SUPT16H: variants seen among roughly 807,000 people sequenced by gnomAD.
SUPT16H encodes the protein SPT16 homolog, facilitates chromatin remodeling subunit, also known as FACT complex subunit SPT16.
In SUPT16H, 24 loss-of-function variants were observed where a neutral mutation model predicts 136.2. The ratio of observed to expected loss-of-function variants is 0.18; its 90% CI spans 0.13 to 0.25. The LOEUF is 0.25. SUPT16H is among the 10% of genes least tolerant of loss of function. SUPT16H has a pLI of 1.00. For missense variants in SUPT16H, 623 were observed against 1,270.2 expected (o/e 0.49, Z 7.74); for synonymous variants, 415 against 428.2 (o/e 0.97, Z 0.38).
chr14:21,379,970 T>C (rs17104351), intron 1 of SUPT16H, among the ~76,000 whole-genome samples: 92 of 152,230 alleles, frequency 6.0e-4, no homozygotes, highest in African/African-American at 2.2e-3. Context: ...TGAGTGTGAG[T>C]GGAAGTAATC....
chr14:21,362,255 G>A lies in SUPT16H; in HGVS notation c.1735C>T (p.Leu579=). ...AAGATGTTGCCTTCATTCCTGCCCA[G>A]AGCACTGCCTGGGCAATAAAAGTTG... is the stretch of plus-strand genomic sequence containing the variant. The part of the protein sequence containing the change: ...RINFYCPGSA[L]GRNEGNIFPN... Residue 579 remains leucine (L), a synonymous_variant, in exon 15 of 26, where the codon CTG becomes TTG. Coordinates refer to ENST00000216297, the MANE Select transcript of SUPT16H (RefSeq NM_007192.4). 1 of 1,613,544 alleles carries A rather than the reference G, an allele frequency of 6.2e-7. No individual in the cohort carries two copies. The highest frequency in any genetic ancestry group is 8.5e-7 in the Non-Finnish European group (1 of 1,180,004).
At chr14:21,373,550 C>A in intron 1 of SUPT16H, 120 bp from the exon 2 acceptor site, 2 of 782,026 alleles carry the variant, frequency 2.6e-6, no homozygotes, top group Non-Finnish European at 2.2e-6. Context: ...GTTTAAGGTA[C>A]ATGCCTGTTT....
At chr14:21,372,286 C>A in intron 2 of SUPT16H, 1 of 446,774 alleles carries the variant, frequency 2.2e-6, no homozygotes, top group Non-Finnish European at 4.0e-6. Context: ...CTTGAACTTT[C>A]TATAATTAAA....
chr14:21,361,310 GCTT>G, intron 15 of SUPT16H, 97 bp from the exon 16 acceptor site: 4 of 853,284 alleles, frequency 4.7e-6, no homozygotes, highest in African/African-American at 2.9e-5. Flanking sequence ...TCTCTACTTT[GCTT>G]TTTTTTTTTT....
chr14:21,363,026 ACT>A lies in SUPT16H; in HGVS notation c.1511+6_1511+7del. The A allele has an allele frequency of 6.2e-7, 1 of 1,613,574 alleles. No individual in the cohort carries two copies. Among genetic ancestry groups the A allele is most frequent in the Non-Finnish European group, 8.5e-7 (1 of 1,179,900 alleles). On this transcript the variant is annotated splice_donor_region_variant and intron_variant, in intron 13 of 25. Coordinates refer to ENST00000216297, the MANE Select transcript of SUPT16H (RefSeq NM_007192.4). ...CAGATGATCTCACTGCTCAGTGAAA[ACT>A]CTTACTTCTGAATCTGCTGTTCTCC...
intron 2 of SUPT16H, chr14:21,372,266 C>T (rs367725391): frequency 1.4e-5 from 7 of 487,454 alleles, no homozygotes; most frequent in African/African-American, 5.9e-5. Context: ...ATTTTCTCTA[C>T]GTTTATATGC....
intron 25 of SUPT16H, 120 bp from the exon 26 acceptor site, chr14:21,352,938 G>C (rs913004439): frequency 1.4e-5 from 18 of 1,319,688 alleles, no homozygotes; most frequent in Non-Finnish European, 1.9e-5. Context: ...TTAATATTGG[G>C]CAAGTACTTT....
In SUPT16H at chr14:21,372,009, G is replaced by A; in HGVS notation, c.195C>T (p.Ile65=). 6.2e-7 allele frequency: 1 copy of A among 1,613,946 alleles called. No individual in the cohort carries two copies. Among genetic ancestry groups the A allele is most frequent in the Non-Finnish European group, 8.5e-7 (1 of 1,179,984 alleles). The change falls in exon 3 of 26, where the codon ATC becomes ATT. Residue 65 remains isoleucine (I), a synonymous_variant. Transcript: ENST00000216297. The part of the protein sequence containing the change: ...WLFGYELTDT[I]MVFCDDKIIF... ...TGATTTTGTCATCACAAAAGACCATGATAGTATCAGTTAGTTCATAACCAA... is the reference window on the plus strand; with the variant it reads ...TGATTTTGTCATCACAAAAGACCATAATAGTATCAGTTAGTTCATAACCAA...
intron 1 of SUPT16H, among the ~76,000 whole-genome samples, chr14:21,382,559 C>T (rs1431644936): frequency 6.6e-6 from 1 of 152,160 alleles, no homozygotes; most frequent in Non-Finnish European, 1.5e-5. Context: ...CAAAGGTTCA[C>T]AGTTTCAGGG....
chr14:21,381,043 T>A (rs1051440561), intron 1 of SUPT16H, among the ~76,000 whole-genome samples: 1 of 151,984 alleles, frequency 6.6e-6, no homozygotes, highest in Non-Finnish European at 1.5e-5. Context: ...AAATCCTTTC[T>A]GCTCTTAGCA....
intron 2 of SUPT16H, chr14:21,372,734 G>T (rs1171869004): frequency 2.3e-6 from 1 of 430,012 alleles, no homozygotes; most frequent in African/African-American, 2.1e-5. Context: ...ATAAGGAAAA[G>T]AATATTTTGT....
At chr14:21,353,354 G>C in intron 25 of SUPT16H, 134 bp downstream of exon 25, 1 of 820,506 alleles carries the variant, frequency 1.2e-6, no homozygotes, top group Non-Finnish European at 1.9e-6. Context: ...AGTTGTATCT[G>C]TGGCTCCAAA....
rs1886523523 is a variant in SUPT16H at position 21,360,280 on chromosome 14, G to A, written c.2175+135C>T. On this transcript the variant is annotated intron_variant, in intron 18 of 25. Transcript: ENST00000216297. ...CGACCTCAGGTGATCCACCCACCTC[G>A]GCCTCCCAAAGTGCTGGGATTGTGG... The A allele has an allele frequency of 8.3e-6, 5 of 605,192 alleles. No individual in the cohort carries two copies. The South Asian group carries it at 1.1e-4, about 13-fold the overall frequency. 37.5% of individuals were successfully genotyped at this position (605,192 alleles called of 1,614,324 possible). A position where few individuals can be genotyped will look rare whatever the true frequency, so the allele number is the denominator to read the frequency against.
intron 8 of SUPT16H, among the ~76,000 whole-genome samples, chr14:21,366,110 T>C (rs1405361687): frequency 6.6e-6 from 1 of 152,008 alleles, no homozygotes; most frequent in Non-Finnish European, 1.5e-5. Flanking sequence ...AAATAAAATA[T>C]TAGGACATCT....
chr14:21,378,548 T>C (rs1886954661), intron 1 of SUPT16H, among the ~76,000 whole-genome samples: 1 of 152,204 alleles, frequency 6.6e-6, no homozygotes, highest in South Asian at 2.1e-4. Context: ...ATAAAGGGTT[T>C]ACTTAAAATT....
chr14:21,352,197 C>A lies in SUPT16H; in HGVS notation c.*476G>T, dbSNP rs560865407. ...ACAACCATTAGCAAATTTCCGAGAA[C>A]CTTGAGTATTGCAAAGATAAAACTT... On this transcript the variant is annotated 3_prime_UTR_variant, in exon 26 of 26. Coordinates refer to ENST00000216297, the MANE Select transcript of SUPT16H (RefSeq NM_007192.4). The A allele has an allele frequency of 3.1e-5, 5 of 161,464 alleles. No homozygotes were observed. The East Asian group carries it at 5.3e-4, about 17-fold the overall frequency. The allele number at this position is 161,464 out of a possible 1,614,324, so 10.0% of individuals were successfully genotyped here.
At chr14:21,372,796 A>C (rs1025540231) in intron 2 of SUPT16H, 12 of 377,116 alleles carry the variant, frequency 3.2e-5, no homozygotes, top group Non-Finnish European at 5.6e-5. Context: ...ATCCATACTG[A>C]TATTAATACT....
chr14:21,373,271 C>A (rs1594308465), intron 2 of SUPT16H, 67 bp downstream of exon 2: 2 of 1,246,008 alleles, frequency 1.6e-6, no homozygotes. Flanking sequence ...AATGTGGCTA[C>A]CATACTGAAC....
At chr14:21,352,924 A>G in intron 25 of SUPT16H, 106 bp from the exon 26 acceptor site, 1 of 1,448,162 alleles carries the variant, frequency 6.9e-7, no homozygotes, top group Non-Finnish European at 9.5e-7. Context: ...ATCAGACCCA[A>G]GTTTTAATAT....
Sources: allele counts gnomAD v4.1 joint callset (sites outside exome capture counted in the v4.1 genomes callset), GRCh38; gene constraint gnomAD v4.1.1; transcripts MANE v1.5; gene names NCBI Gene and HGNC (gene_info 2026-07-23, HGNC 2026-07-21).